MEI4: variants seen among roughly 807,000 people sequenced by gnomAD.
MEI4 encodes meiosis-specific protein MEI4.
MEI4 carries 27 observed loss-of-function variants against 31.4 expected under a neutral mutation model. The observed-to-expected ratio is 0.86, with a 90% CI of 0.63 to 1.19. MEI4 has a LOEUF of 1.19. Among genes scored for constraint, MEI4 ranks in the 50% most tolerant of loss-of-function variants. MEI4 has a pLI of 0.00. For missense variants in MEI4, 329 were observed against 398.9 expected, an observed-to-expected ratio of 0.82 and a Z score of 1.49; for synonymous variants, 122 against 145.4, an observed-to-expected ratio of 0.84 and a Z score of 1.16.
intron 4 of MEI4, among the ~76,000 whole-genome samples, chr6:77,920,795 A>C (rs900214523): frequency 3.3e-5 from 5 of 151,912 alleles, no homozygotes; most frequent in African/African-American, 1.2e-4. Flanking sequence ...CTTTTGGATG[A>C]TCAGGTGTGT....
intron 3 of MEI4, among the ~76,000 whole-genome samples, chr6:77,811,604 G>A (rs970185426): frequency 2.6e-5 from 4 of 151,842 alleles, no homozygotes; most frequent in South Asian, 2.1e-4. Context: ...GTGAAACCCC[G>A]TCTCTACTAA....
rs1053609282 is a variant in MEI4 at position 77,829,568 on chromosome 6, G to C, written c.900+506G>C. Among the ~76,000 whole-genome samples the C allele has an allele frequency of 4.6e-5, 7 of 152,246 alleles. No individual in the cohort carries two copies. In the South Asian group the frequency reaches 6.2e-4, roughly 14 times the overall value. On this transcript the variant is annotated intron_variant, in intron 4 of 4. Transcript: ENST00000684080. ...TACTGGTATTATTAGAGCACTTCAG[G>C]TGATTTCAGTATGCAACCAAGCTTG...
chr6:77,864,049 C>T (rs1770947841), intron 4 of MEI4, among the ~76,000 whole-genome samples: 1 of 152,140 alleles, frequency 6.6e-6, no homozygotes, highest in Admixed American at 6.5e-5. Context: ...TTGTCACCAC[C>T]AGGCCTGCCC....
intron 3 of MEI4, among the ~76,000 whole-genome samples, chr6:77,805,350 G>C (rs1005581106): frequency 2.0e-5 from 3 of 151,980 alleles, no homozygotes; most frequent in Admixed American, 6.6e-5. Context: ...AATTTCATGA[G>C]CTTTCCAGCC....
chr6:77,823,043 A>C (rs751854295), intron 3 of MEI4, among the ~76,000 whole-genome samples: 1 of 152,180 alleles, frequency 6.6e-6, no homozygotes, highest in Non-Finnish European at 1.5e-5. Context: ...TGAATGAATG[A>C]ATACATAACT....
intron 4 of MEI4, among the ~76,000 whole-genome samples, chr6:77,911,295 TG>T (rs1379059855): frequency 1.3e-5 from 2 of 152,096 alleles, no homozygotes; most frequent in African/African-American, 4.8e-5. Context: ...ACTATTTTTT[TG>T]TTTTTTGTTT....
At chr6:77,758,349 A>C (rs1052575473) in intron 2 of MEI4, among the ~76,000 whole-genome samples, 5 of 152,140 alleles carry the variant, frequency 3.3e-5, no homozygotes, top group African/African-American at 1.2e-4. Context: ...CACATTTTTG[A>C]TGGTTATAGT....
In MEI4 at chr6:77,926,662, G is replaced by A. The variant is rs1766851125; in HGVS notation, c.*3316G>A. ...TTATGGGGAAAATATTGACAGCTCT[G>A]CTTTATTGTAACCTAATTTCATTTA... On this transcript the variant is annotated 3_prime_UTR_variant, in exon 5 of 5. Coordinates refer to ENST00000684080, the MANE Select transcript of MEI4 (RefSeq NM_001322247.2). 1 of 151,864 alleles carries A rather than the reference G, an allele frequency of 6.6e-6. No individual in the cohort carries two copies. The highest frequency in any genetic ancestry group is 1.5e-5 in the Non-Finnish European group (1 of 67,922). 9.4% of individuals were successfully genotyped at this position (151,864 alleles called of 1,614,324 possible). A position where few individuals can be genotyped will look rare whatever the true frequency, so the allele number is the denominator to read the frequency against.
chr6:77,742,472 G>T (rs1188986646), intron 2 of MEI4, among the ~76,000 whole-genome samples: 2 of 151,978 alleles, frequency 1.3e-5, no homozygotes, highest in Non-Finnish European at 2.9e-5. Context: ...GGGGTTGTTT[G>T]TTTTTTCTTG....
At position 77,687,444 on chromosome 6, in the gene MEI4, T is replaced by C. The variant is rs140544683; in HGVS notation, c.-14-3214T>C. Among the ~76,000 whole-genome samples the C allele has an allele frequency of 7.8e-3, 1,190 of 152,252 alleles. 18 individuals carry two copies. Among genetic ancestry groups the C allele is most frequent in the African/African-American group, 0.027 (1,141 of 41,556 alleles). On this transcript the variant is annotated intron_variant, in intron 1 of 4. Coordinates refer to ENST00000684080, the MANE Select transcript of MEI4 (RefSeq NM_001322247.2). ...GTAGCAACAACCAGTTCTGATTCTC[T>C]GGGCACGAACTAGATTTTCAACAGT...
chr6:77,794,271 A>G (rs1329129917), intron 3 of MEI4, among the ~76,000 whole-genome samples: 1 of 152,216 alleles, frequency 6.6e-6, no homozygotes, highest in Non-Finnish European at 1.5e-5. Flanking sequence ...ACATTTAATA[A>G]TCTAACATCA....
At chr6:77,792,744 G>A (rs992579186) in intron 3 of MEI4, among the ~76,000 whole-genome samples, 24 of 149,960 alleles carry the variant, frequency 1.6e-4, no homozygotes, top group African/African-American at 4.4e-4. Context: ...ACGGAGTCTC[G>A]CTCTATTGCA....
chr6:77,700,200 C>G (rs1387557319), intron 2 of MEI4, among the ~76,000 whole-genome samples: 1 of 152,218 alleles, frequency 6.6e-6, no homozygotes, highest in Non-Finnish European at 1.5e-5. Context: ...GAGGTGGAGC[C>G]TACCGGGGCA....
Position 77,805,946 on chromosome 6 carries a change from T to C in MEI4, c.769-22985T>C, listed in dbSNP as rs935254266. On this transcript the variant is annotated intron_variant, in intron 3 of 4. Transcript: ENST00000684080. ...TCTCTTGATGTCTCTAAAAATAGAA[T>C]CATAGCTCCTTTTCTTAGGATGTAA... Among the ~76,000 whole-genome samples, 9 of 152,100 alleles carry C rather than the reference T, an allele frequency of 5.9e-5. 1 individual carries two copies. The South Asian group carries it at 6.2e-4, about 11-fold the overall frequency.
Position 77,727,483 on chromosome 6 carries a change from G to T in MEI4, c.233-33647G>T, listed in dbSNP as rs139589870. On this transcript the variant is annotated intron_variant, in intron 2 of 4. Transcript: ENST00000684080. ...GAACTATTGATTCCAAAATAAATAA[G>T]AAGAAGGTGTTGGAAGACAGTATTG... Among the ~76,000 whole-genome samples, 514 of 152,258 alleles carry T rather than the reference G, an allele frequency of 3.4e-3. 2 individuals are homozygous for T. The highest frequency in any genetic ancestry group is 0.012 in the African/African-American group (501 of 41,534).
At chr6:77,668,955 C>CT (rs34219575) in intron 1 of MEI4, among the ~76,000 whole-genome samples, 1 of 152,078 alleles carries the variant, frequency 6.6e-6, no homozygotes, top group Non-Finnish European at 1.5e-5. Context: ...ATAAATGTTA[C>CT]TTTTTCCAGA....
At chr6:77,909,804 C>G (rs1766389529) in intron 4 of MEI4, among the ~76,000 whole-genome samples, 2 of 152,128 alleles carry the variant, frequency 1.3e-5, no homozygotes, top group African/African-American at 4.8e-5. Context: ...ATGCAAAAAT[C>G]CTCAATAAAA....
At chr6:77,666,203 A>C (rs1768629693) in intron 1 of MEI4, among the ~76,000 whole-genome samples, 1 of 152,064 alleles carries the variant, frequency 6.6e-6, no homozygotes, top group Admixed American at 6.6e-5. Context: ...CACAAAGTAC[A>C]TTCTCAAGGG....
intron 3 of MEI4, among the ~76,000 whole-genome samples, chr6:77,827,817 T>C (rs1769991023): frequency 6.6e-6 from 1 of 152,172 alleles, no homozygotes; most frequent in Non-Finnish European, 1.5e-5. Flanking sequence ...TTTAATAATA[T>C]TCATATAATT....
Sources: gnomAD v4.1 joint callset for allele counts (sites outside exome capture counted in the v4.1 genomes callset) on GRCh38, gnomAD v4.1.1 for gene constraint, MANE v1.5 for transcripts, NCBI Gene and HGNC (gene_info 2026-07-23, HGNC 2026-07-21) for gene names.